The following HAT1 variants were observed in gnomAD, a reference collection of about 807,000 sequenced individuals.
The protein encoded by HAT1 is histone acetyltransferase 1.
HAT1 carries 20 observed loss-of-function variants against 56.6 expected under a neutral mutation model. The observed-to-expected ratio is 0.35, with a 90% CI of 0.25 to 0.51. The LOEUF is 0.51. HAT1 is among the 20% of genes least tolerant of loss of function. The probability of loss-of-function intolerance (pLI) is 0.95; values close to 1 mark genes in which losing one functional copy is unlikely to be tolerated. For missense variants in HAT1, 408 were observed against 504.3 expected, an observed-to-expected ratio of 0.81 and a Z score of 1.83; for synonymous variants, 146 against 165.5, an observed-to-expected ratio of 0.88 and a Z score of 0.91.
chr2:171,934,062 A>G (rs968104196), intron 2 of HAT1, among the ~76,000 whole-genome samples: 7 of 152,214 alleles, frequency 4.6e-5, no homozygotes, highest in African/African-American at 7.2e-5. Flanking sequence ...TTAGGTACAT[A>G]CAGATTTAGA....
chr2:171,945,473 TTAGC>T (rs1173827119), intron 2 of HAT1, among the ~76,000 whole-genome samples: 3 of 150,242 alleles, frequency 2.0e-5, no homozygotes, highest in Admixed American at 1.3e-4. Flanking sequence ...ATAGGGCACT[TTAGC>T]TAGCTAGCTA....
intron 10 of HAT1, chr2:171,980,544 C>T (rs1222892058): frequency 2.0e-5 from 3 of 151,834 alleles, no homozygotes; most frequent in Non-Finnish European, 4.4e-5. Flanking sequence ...TTGTTTATGC[C>T]ACCTTATGTG....
chr2:171,932,561 C>G (rs1686773636), intron 2 of HAT1, among the ~76,000 whole-genome samples: 2 of 152,026 alleles, frequency 1.3e-5, no homozygotes, highest in African/African-American at 4.8e-5. Context: ...ACAGTATTCC[C>G]CTGTTACCAT....
chr2:171,968,483 TA>T (rs1687734083), intron 8 of HAT1, among the ~76,000 whole-genome samples: 1 of 152,188 alleles, frequency 6.6e-6, no homozygotes. Flanking sequence ...AAGTCCTTGA[TA>T]CTTAGCACCA....
At chr2:171,926,844 G>C (rs1165420369) in intron 2 of HAT1, among the ~76,000 whole-genome samples, 1 of 152,188 alleles carries the variant, frequency 6.6e-6, no homozygotes, top group East Asian at 1.9e-4. Flanking sequence ...GCAAAAACTT[G>C]TACATGAATG....
intron 6 of HAT1, chr2:171,966,192 C>A: frequency 1.6e-6 from 1 of 614,920 alleles, no homozygotes; most frequent in South Asian, 1.9e-5. Flanking sequence ...TTATAATAGG[C>A]AAGTGCACTG....
intron 2 of HAT1, among the ~76,000 whole-genome samples, chr2:171,946,001 A>G (rs1429620259): frequency 6.6e-6 from 1 of 152,112 alleles, no homozygotes; most frequent in African/African-American, 2.4e-5. Flanking sequence ...AGATGGTTTC[A>G]CCATGTCAGC....
intron 4 of HAT1, chr2:171,965,101 C>T: frequency 2.3e-6 from 1 of 439,310 alleles, no homozygotes. Context: ...TATTATTGTA[C>T]TTGGTATCAG....
At chr2:171,976,845 T>C (rs923544912) in intron 9 of HAT1, among the ~76,000 whole-genome samples, 1 of 152,214 alleles carries the variant, frequency 6.6e-6, no homozygotes, top group African/African-American at 2.4e-5. Context: ...GCATTTGATA[T>C]AAACCTTGAA....
intron 10 of HAT1, among the ~76,000 whole-genome samples, chr2:171,981,897 A>G (rs1048402358): frequency 6.6e-6 from 1 of 152,192 alleles, no homozygotes; most frequent in Non-Finnish European, 1.5e-5. Context: ...TAGCTAGAAA[A>G]TGTCTTAATG....
rs547623618 is a variant in HAT1, at chr2:171,972,534, G to C, written c.824-3623G>C. Among the ~76,000 whole-genome samples the C allele has an allele frequency of 1.5e-3, 232 of 152,320 alleles. 1 individual carries two copies. Among genetic ancestry groups the C allele is most frequent in the Non-Finnish European group, 2.6e-3 (176 of 68,034 alleles). On this transcript the variant is annotated intron_variant, in intron 8 of 10. Transcript: ENST00000264108. ...CCTGCCTTGGCCTCCCAAAGCAAGGGATCACAGGTGTGAGCAGCTGCACCT... is the reference window on the plus strand; with the variant it reads ...CCTGCCTTGGCCTCCCAAAGCAAGGCATCACAGGTGTGAGCAGCTGCACCT...
At chr2:171,965,986 TG>T in intron 6 of HAT1, 78 bp downstream of exon 6, 2 of 1,218,190 alleles carry the variant, frequency 1.6e-6, no homozygotes, top group Non-Finnish European at 1.2e-6. Flanking sequence ...GCCCAATTAT[TG>T]GGACAGTATA....
intron 9 of HAT1, 118 bp from the exon 10 acceptor site, chr2:171,979,129 C>G (rs754342757): frequency 2.7e-4 from 171 of 644,194 alleles, no homozygotes; most frequent in Non-Finnish European, 4.6e-4. Flanking sequence ...TGCCTTTCCT[C>G]TGGTTTCTAG....
At chr2:171,973,352 G>A (rs1299728276) in intron 8 of HAT1, among the ~76,000 whole-genome samples, 1 of 142,428 alleles carries the variant, frequency 7.0e-6, no homozygotes, top group East Asian at 2.0e-4. Flanking sequence ...TGTTTATAAT[G>A]TCCCTTGTAT....
At chr2:171,926,949 C>T (rs952398007) in intron 2 of HAT1, among the ~76,000 whole-genome samples, 1 of 152,138 alleles carries the variant, frequency 6.6e-6, no homozygotes, top group Non-Finnish European at 1.5e-5. Context: ...AGCTATACCA[C>T]GGAATACTAT....
chr2:171,953,076 G>A, intron 4 of HAT1, 75 bp downstream of exon 4: 1 of 955,360 alleles, frequency 1.0e-6, no homozygotes, highest in Non-Finnish European at 1.5e-6. Flanking sequence ...CAGGTGCGGT[G>A]GCTCACACCT....
At chr2:171,950,617 C>A (rs1332762354) in intron 3 of HAT1, among the ~76,000 whole-genome samples, 2 of 152,132 alleles carry the variant, frequency 1.3e-5, no homozygotes, top group African/African-American at 4.8e-5. Context: ...GATTCTCCTG[C>A]CTCAGCTTCT....
intron 2 of HAT1, among the ~76,000 whole-genome samples, chr2:171,942,719 G>A (rs1574043129): frequency 1.3e-5 from 2 of 152,062 alleles, no homozygotes; most frequent in East Asian, 3.9e-4. Context: ...ACATATATAT[G>A]TCACACTGGT....
At chr2:171,944,044 G>C (rs1257016188) in intron 2 of HAT1, among the ~76,000 whole-genome samples, 2 of 151,960 alleles carry the variant, frequency 1.3e-5, no homozygotes, top group East Asian at 3.9e-4. Context: ...TACTTTAAAG[G>C]CTGAGGCGGG....
Sources: allele counts gnomAD v4.1 joint callset (sites outside exome capture counted in the v4.1 genomes callset), GRCh38; gene constraint gnomAD v4.1.1; transcripts MANE v1.5; gene names NCBI Gene and HGNC (gene_info 2026-07-23, HGNC 2026-07-21).